Variants in SV2C observed in about 807,000 individuals in gnomAD.
SV2C encodes the protein synaptic vesicle glycoprotein 2C.
SV2C carries 49 observed loss-of-function variants against 79.7 expected under a neutral mutation model. That is an observed-to-expected ratio of 0.61 (90% CI 0.49 to 0.78). SV2C has a LOEUF of 0.78. SV2C is among the 30% of genes least tolerant of loss of function. The probability of loss-of-function intolerance (pLI) is 0.00; values close to 1 mark genes in which losing one functional copy is unlikely to be tolerated. For missense variants in SV2C, 833 were observed against 912.9 expected, an observed-to-expected ratio of 0.91 and a Z score of 1.13; for synonymous variants, 334 against 333.2, an observed-to-expected ratio of 1.00 and a Z score of -0.03.
rs764397749 is a variant in SV2C at position 76,132,091 on chromosome 5, G to A, written c.341G>A (p.Gly114Asp). The change falls in exon 2 of 13, where the codon GGC becomes GAC. Residue 114 changes from glycine (G) to aspartate (D), a missense_variant. Gly to Asp is a moderately conservative substitution (Grantham distance 94). Coordinates refer to ENST00000502798, the MANE Select transcript of SV2C (RefSeq NM_014979.4). ...DSIVSVGQPK[G>D]DEYKDRRELE... ...ATCGTGTCAGTGGGGCAGCCCAAGG[G>A]CGATGAGTACAAGGACCGGCGGGAG... 9.9e-6 allele frequency: 16 copies of A among 1,613,506 alleles called. No individual in the cohort carries two copies. The highest frequency in any genetic ancestry group is 1.2e-5 in the Non-Finnish European group (14 of 1,179,654).
At chr5:76,163,169 C>A (rs977398212) in intron 2 of SV2C, among the ~76,000 whole-genome samples, 2 of 151,992 alleles carry the variant, frequency 1.3e-5, no homozygotes, top group African/African-American at 4.8e-5. Flanking sequence ...GTCCCCTTCT[C>A]CTCTTTGAGG....
At chr5:76,245,899 T>C (rs1270540691) in intron 4 of SV2C, among the ~76,000 whole-genome samples, 1 of 149,180 alleles carries the variant, frequency 6.7e-6, no homozygotes, top group Non-Finnish European at 1.5e-5. Context: ...GTTCCATCTA[T>C]TGAGGCAGGG....
upstream of SV2C, among the ~76,000 whole-genome samples, chr5:76,082,787 T>C (rs1235182754): frequency 6.6e-6 from 1 of 152,062 alleles, no homozygotes; most frequent in Non-Finnish European, 1.5e-5. Context: ...GTGCCCAAGT[T>C]TCCTCTGGAC....
the SV2C span, among the ~76,000 whole-genome samples, chr5:75,993,807 C>A: frequency 1.3e-5 from 2 of 151,996 alleles, no homozygotes; most frequent in Admixed American, 6.6e-5. Flanking sequence ...CACGTGATGT[C>A]ATCCTGGCCA....
chr5:76,073,529 A>G, the SV2C span, among the ~76,000 whole-genome samples: 2 of 129,530 alleles, frequency 1.5e-5, no homozygotes, highest in African/African-American at 6.1e-5. Flanking sequence ...ATATATATAT[A>G]TATATATATA....
chr5:75,976,638 C>T, the SV2C span, among the ~76,000 whole-genome samples: 1 of 152,020 alleles, frequency 6.6e-6, no homozygotes, highest in East Asian at 1.9e-4. Flanking sequence ...TGTCAAAATC[C>T]ATTTCTAGAT....
chr5:76,122,136 T>C (rs1748526655), intron 1 of SV2C, among the ~76,000 whole-genome samples: 1 of 150,952 alleles, frequency 6.6e-6, no homozygotes, highest in Admixed American at 6.6e-5. Flanking sequence ...GAAGCAACTG[T>C]GAATGGGAGA....
intron 4 of SV2C, among the ~76,000 whole-genome samples, chr5:76,256,809 AC>A (rs1292491281): frequency 6.6e-6 from 1 of 152,322 alleles, no homozygotes; most frequent in East Asian, 1.9e-4. Flanking sequence ...CATAAAACTT[AC>A]AAACACTGTC....
the SV2C span, among the ~76,000 whole-genome samples, chr5:75,941,317 G>T: frequency 6.6e-5 from 10 of 152,206 alleles, no homozygotes; most frequent in East Asian, 1.5e-3. Context: ...TTAATCAAAA[G>T]CTCGATTTAT....
At chr5:76,061,100 G>A in the SV2C span, among the ~76,000 whole-genome samples, 4 of 151,532 alleles carry the variant, frequency 2.6e-5, no homozygotes, top group East Asian at 1.9e-4. Flanking sequence ...TAGTAACATC[G>A]AAGATCACTG....
the SV2C span, among the ~76,000 whole-genome samples, chr5:76,073,532 TATATATATATATAC>T: frequency 1.6e-5 from 2 of 128,638 alleles, no homozygotes; most frequent in South Asian, 2.4e-4. Flanking sequence ...TATATATATA[TATATATATATATAC>T]ACCATGGAAT....
chr5:76,183,423 T>A (rs140703974), intron 2 of SV2C, among the ~76,000 whole-genome samples: 3,066 of 152,070 alleles, frequency 0.02, 48 homozygotes, highest in African/African-American at 0.029. Context: ...CTGGGGTTTG[T>A]GCTCTCAAAC....
the SV2C span, among the ~76,000 whole-genome samples, chr5:75,999,592 C>G: frequency 6.6e-6 from 1 of 151,734 alleles, no homozygotes; most frequent in Non-Finnish European, 1.5e-5. Context: ...GATGTCCCAG[C>G]TCAAGCAGTG....
At chr5:76,016,482 C>A in the SV2C span, among the ~76,000 whole-genome samples, 1 of 151,862 alleles carries the variant, frequency 6.6e-6, no homozygotes, top group Non-Finnish European at 1.5e-5. Flanking sequence ...TGTGAGAGAG[C>A]AAAAACATGT....
chr5:75,884,085 G>A, the SV2C span, among the ~76,000 whole-genome samples: 9 of 152,044 alleles, frequency 5.9e-5, no homozygotes, highest in East Asian at 5.8e-4. Context: ...ATTGAACTTC[G>A]GGAAGATATA....
chr5:76,031,169 C>T, the SV2C span, among the ~76,000 whole-genome samples: 1 of 152,206 alleles, frequency 6.6e-6, no homozygotes, highest in Non-Finnish European at 1.5e-5. Flanking sequence ...GCATCAGACT[C>T]TCCCACAACT....
chr5:76,029,730 T>C, the SV2C span, among the ~76,000 whole-genome samples: 2 of 152,214 alleles, frequency 1.3e-5, no homozygotes, highest in Non-Finnish European at 2.9e-5. Context: ...ATTTGGCTCT[T>C]CTACAGATCC....
At chr5:76,199,372 T>C (rs556188450) in intron 3 of SV2C, among the ~76,000 whole-genome samples, 1 of 152,284 alleles carries the variant, frequency 6.6e-6, no homozygotes, top group African/African-American at 2.4e-5. Flanking sequence ...TCCACGCATT[T>C]CCTAGGAGTA....
At chr5:76,218,975 T>G (rs1033663727) in intron 4 of SV2C, among the ~76,000 whole-genome samples, 2 of 148,570 alleles carry the variant, frequency 1.3e-5, no homozygotes, top group Non-Finnish European at 3.0e-5. Context: ...CACCTGTCAT[T>G]TGAAGTTGTG....
Sources: allele counts gnomAD v4.1 joint callset (sites outside exome capture counted in the v4.1 genomes callset), GRCh38; gene constraint gnomAD v4.1.1; transcripts MANE v1.5; gene names NCBI Gene and HGNC (gene_info 2026-07-23, HGNC 2026-07-21).